MYH10: variants seen among roughly 807,000 people sequenced by gnomAD.
MYH10 encodes myosin heavy chain 10, also known as myosin-10.
A neutral mutation model predicts 257.8 loss-of-function variants in MYH10; 55 were observed. The observed-to-expected ratio is 0.21, with a 90% confidence interval of 0.17 to 0.27. The LOEUF is 0.27. Among genes scored for constraint, MYH10 ranks in the 10% least tolerant of loss-of-function variants. The probability of loss-of-function intolerance (pLI) is 1.00; values close to 1 mark genes in which losing one functional copy is unlikely to be tolerated. For synonymous variants in MYH10, 854 were observed against 921.7 expected, an observed-to-expected ratio of 0.93 and a Z score of 1.33; for missense variants, 1,631 against 2,500.6, an observed-to-expected ratio of 0.65 and a Z score of 7.42.
intron 7 of MYH10, among the ~76,000 whole-genome samples, chr17:8,562,303 G>T (rs2085678251): frequency 6.6e-6 from 1 of 151,934 alleles, no homozygotes; most frequent in African/African-American, 2.4e-5. Context: ...CGTCACTTGA[G>T]TGTTGGCCAC....
At chr17:8,482,970 C>G (rs75096475) in intron 37 of MYH10, among the ~76,000 whole-genome samples, 20 of 152,146 alleles carry the variant, frequency 1.3e-4, no homozygotes, top group Admixed American at 1.2e-3. Flanking sequence ...TAAGTACCCA[C>G]GGAACACTTA....
chr17:8,599,448 A>C (rs1441144241), intron 3 of MYH10, among the ~76,000 whole-genome samples: 1 of 152,180 alleles, frequency 6.6e-6, no homozygotes, highest in Non-Finnish European at 1.5e-5. Flanking sequence ...TGTTTTAAAT[A>C]TTTGATGCAA....
At chr17:8,603,191 T>C (rs2084675158) in intron 3 of MYH10, among the ~76,000 whole-genome samples, 1 of 152,234 alleles carries the variant, frequency 6.6e-6, no homozygotes, top group South Asian at 2.1e-4. Flanking sequence ...AAATGTATCA[T>C]TATCCCTCCC....
chr17:8,476,069 C>T (rs1912544531), intron 42 of MYH10, 121 bp from the exon 43 acceptor site: 1 of 1,161,566 alleles, frequency 8.6e-7, no homozygotes, highest in Non-Finnish European at 1.2e-6. Context: ...GACACACGAC[C>T]TTGTGGGGGT....
rs539492600 is a variant in MYH10 at position 8,550,821 on chromosome 17, C to T, written c.919+1225G>A. On this transcript the variant is annotated intron_variant, in intron 9 of 42. Transcript: ENST00000360416. Reference sequence around the variant, plus strand: ...AGAAAACTTCTTCTGCCTTGGGATCCTGTTGATCTGAGACCTTACCCCCAA... The same window carrying T: ...AGAAAACTTCTTCTGCCTTGGGATCTTGTTGATCTGAGACCTTACCCCCAA... Among the ~76,000 whole-genome samples the T allele has an allele frequency of 5.3e-5, 8 of 152,046 alleles. No individual in the cohort carries two copies. The South Asian group carries it at 1.7e-3, about 32-fold the overall frequency.
At chr17:8,610,038 T>C (rs2084965276) in intron 2 of MYH10, among the ~76,000 whole-genome samples, 1 of 151,854 alleles carries the variant, frequency 6.6e-6, no homozygotes, top group Non-Finnish European at 1.5e-5. Flanking sequence ...CCACAGTGGA[T>C]CTGCACAATG....
At chr17:8,609,173 A>G (rs2084930936) in intron 2 of MYH10, among the ~76,000 whole-genome samples, 1 of 152,220 alleles carries the variant, frequency 6.6e-6, no homozygotes, top group Non-Finnish European at 1.5e-5. Flanking sequence ...GGCTATGTAT[A>G]TGCATTGTTT....
At chr17:8,630,514 T>G (rs1483310296) in intron 1 of MYH10, 140 bp downstream of exon 1, 17 of 153,734 alleles carry the variant, frequency 1.1e-4, no homozygotes, top group Non-Finnish European at 2.2e-4. Flanking sequence ...CCCTCTGTCT[T>G]CCCCAGCTCC....
At position 8,490,637 on chromosome 17, in the gene MYH10, T is replaced by C; in HGVS notation, c.4672-85A>G. The C allele has an allele frequency of 7.1e-7, 1 of 1,409,650 alleles. No homozygotes were observed. The highest frequency in any genetic ancestry group is 1.0e-6 in the Non-Finnish European group (1 of 1,004,082). 87.3% of individuals were successfully genotyped at this position (1,409,650 alleles called of 1,614,324 possible). ...CAGTCTTACTGTTTTACAGGCCCAC[T>C]CGTGGCATGCTGGCCACTTTGGTCC... On this transcript the variant is annotated intron_variant, in intron 34 of 42. Transcript: ENST00000360416. The surrounding 1 kb of genome is among the most constrained non-coding windows in gnomAD (Gnocchi z 4.1).
chr17:8,499,432 A>G lies in MYH10; in HGVS notation c.3789T>C (p.Asp1263=). The part of the protein sequence containing the change: ...LEKNKQGLET[D]NKELACEVKV... ...TCACCTCACACGCCAGCTCCTTGTT[A>G]TCTGTCTCCAGGCCCTGCTTGTTCT... Residue 1263 remains aspartate (D), a synonymous_variant, in exon 30 of 43, where the codon GAT becomes GAC. Coordinates refer to ENST00000360416, the MANE Select transcript of MYH10 (RefSeq NM_001256012.3). The G allele has an allele frequency of 1.2e-6, 2 of 1,614,118 alleles. No homozygotes were observed. Among genetic ancestry groups the G allele is most frequent in the Non-Finnish European group, 1.7e-6 (2 of 1,180,026 alleles).
At position 8,595,424 on chromosome 17, in the gene MYH10, TC is replaced by T. The variant is rs1398431354; in HGVS notation, c.503-6317del. Among the ~76,000 whole-genome samples, 523 of 102,608 alleles carry T rather than the reference TC, an allele frequency of 5.1e-3. 7 individuals carry two copies. The highest frequency in any genetic ancestry group is 0.017 in the African/African-American group (500 of 30,182). 67.3% of individuals were successfully genotyped at this position (102,608 alleles called of 152,430 possible). A position where few individuals can be genotyped will look rare whatever the true frequency, so the allele number is the denominator to read the frequency against. On this transcript the variant is annotated intron_variant, in intron 3 of 42. Coordinates refer to ENST00000360416, the MANE Select transcript of MYH10 (RefSeq NM_001256012.3). ...ATGCTGTCTCCCCAGTAAGAACAGT[TC>T]TTTTTTTTTTTTTTTTTTTTTTTTG...
rs528275135 is a variant in MYH10 at position 8,610,060 on chromosome 17, T to C, written c.346-5078A>G. Among the ~76,000 whole-genome samples, 6 of 151,966 alleles carry C rather than the reference T, an allele frequency of 3.9e-5. No homozygotes were observed. In the East Asian group the frequency reaches 1.2e-3, roughly 29 times the overall value. The stretch of plus-strand genomic sequence containing the variant: ...GGATCTGCACAATGCCCATCACTAT[T>C]AAAATTTTTAGGTGACTGGCAGATG... On this transcript the variant is annotated intron_variant, in intron 2 of 42. Coordinates refer to ENST00000360416, the MANE Select transcript of MYH10 (RefSeq NM_001256012.3).
At chr17:8,508,807 T>A in intron 25 of MYH10, 130 bp from the exon 26 acceptor site, 2 of 1,052,838 alleles carry the variant, frequency 1.9e-6, no homozygotes, top group Non-Finnish European at 2.8e-6. Context: ...CCCAGCAGAC[T>A]GTACACAATC....
In MYH10 at chr17:8,622,977, C is replaced by T; in HGVS notation, c.270G>A (p.Met90Ile). Residue 90 changes from methionine (M) to isoleucine (I), a missense_variant, in exon 2 of 43, where the codon ATG (methionine) becomes ATA (isoleucine). Transcript: ENST00000360416. ...NPPKFSKVED[M>I]AELTCLNEAS... is the part of the protein sequence containing the mutation. ...CTTCATTCAAGCATGTCAATTCTGC[C>T]ATATCCTCCACCTTGGAAAACTTAG... 6.2e-7 allele frequency: 1 copy of T among 1,614,154 alleles called. No individual in the cohort carries two copies. Among genetic ancestry groups the T allele is most frequent in the Non-Finnish European group, 8.5e-7 (1 of 1,180,020 alleles).
intron 23 of MYH10, 58 bp downstream of exon 23, chr17:8,513,480 G>C (rs2151883900): frequency 6.2e-7 from 1 of 1,602,630 alleles, no homozygotes; most frequent in Non-Finnish European, 8.5e-7. Context: ...GTTGCTACCA[G>C]TGCAAGATCT....
intron 3 of MYH10, among the ~76,000 whole-genome samples, chr17:8,596,603 CCTTATTCTTAAAATG>C (rs1337034513): frequency 6.9e-6 from 1 of 144,690 alleles, no homozygotes; most frequent in Admixed American, 7.2e-5. Context: ...TGTGTAGCAA[CCTTATTCTTAAAATG>C]CTTATTCTTA....
At chr17:8,586,810 G>A (rs2083930466) in intron 4 of MYH10, among the ~76,000 whole-genome samples, 1 of 152,120 alleles carries the variant, frequency 6.6e-6, no homozygotes, top group African/African-American at 2.4e-5. Context: ...GCTTTCAGAC[G>A]TTCCCAAAAG....
intron 1 of MYH10, among the ~76,000 whole-genome samples, chr17:8,624,893 A>C (rs2085613204): frequency 6.6e-6 from 1 of 152,188 alleles, no homozygotes; most frequent in South Asian, 2.1e-4. Flanking sequence ...GCCTCTACAG[A>C]AAAATTTAAA....
chr17:8,508,143 G>C (rs990819106), intron 26 of MYH10, among the ~76,000 whole-genome samples: 6 of 152,264 alleles, frequency 3.9e-5, no homozygotes, highest in Non-Finnish European at 8.8e-5. Context: ...CTGGGCACAA[G>C]CAATTCTGCT....
Sources: allele counts gnomAD v4.1 joint callset (sites outside exome capture counted in the v4.1 genomes callset), GRCh38; gene constraint gnomAD v4.1.1; non-coding constraint Gnocchi (gnomAD v3.1); transcripts MANE v1.5; gene names NCBI Gene and HGNC (gene_info 2026-07-23, HGNC 2026-07-21).